The following VAV3 variants were observed in gnomAD, a reference collection of about 807,000 sequenced individuals.
VAV3 encodes vav guanine nucleotide exchange factor 3.
Under a neutral mutation model 131.2 loss-of-function variants are expected in VAV3, and 94 were observed. The ratio of observed to expected loss-of-function variants is 0.72; its 90% CI spans 0.61 to 0.85. The LOEUF (loss-of-function observed/expected upper bound fraction) is 0.85, where lower values mean the gene tolerates loss of function less well. Ranked by LOEUF, VAV3 falls within the 40% of genes least tolerant of loss-of-function variation. The pLI is 0.00. For synonymous variants in VAV3, 349 were observed against 342.0 expected (o/e 1.02, Z -0.22); for missense variants, 939 against 1,002.7 (o/e 0.94, Z 0.86).
intron 25 of VAV3, among the ~76,000 whole-genome samples, chr1:107,583,312 C>G (rs111567893): frequency 0.19 from 28,522 of 152,080 alleles, 2,831 homozygotes; most frequent in Non-Finnish European, 0.22. Context: ...ATACTGAATG[C>G]GAAAAAACTG....
intron 24 of VAV3, among the ~76,000 whole-genome samples, chr1:107,597,526 C>G (rs1334406347): frequency 6.6e-6 from 1 of 152,130 alleles, no homozygotes; most frequent in African/African-American, 2.4e-5. Context: ...GGAGAGAGAA[C>G]TTTGTTTTGT....
chr1:107,889,047 T>C (rs1671181779), intron 1 of VAV3, among the ~76,000 whole-genome samples: 1 of 151,812 alleles, frequency 6.6e-6, no homozygotes, highest in South Asian at 2.1e-4. Flanking sequence ...ATGACTACAG[T>C]AAATTATCTC....
At chr1:107,730,256 G>C (rs1662145633) in intron 15 of VAV3, among the ~76,000 whole-genome samples, 1 of 152,166 alleles carries the variant, frequency 6.6e-6, no homozygotes, top group Non-Finnish European at 1.5e-5. Flanking sequence ...CATACCTTCA[G>C]CAACTTATGT....
At chr1:107,589,225 C>G (rs1312386760) in intron 25 of VAV3, among the ~76,000 whole-genome samples, 2 of 152,154 alleles carry the variant, frequency 1.3e-5, no homozygotes, top group Admixed American at 6.5e-5. Context: ...CACCCAGGAC[C>G]TGTGAACCTG....
chr1:107,741,371 T>A (rs532608077), intron 15 of VAV3, among the ~76,000 whole-genome samples: 134 of 152,304 alleles, frequency 8.8e-4, no homozygotes, highest in African/African-American at 3.2e-3. Context: ...GGAGGCACTC[T>A]GTCCGGCCTG....
Position 107,573,226 on chromosome 1 carries a change from G to T in VAV3, c.*105C>A. The T allele has an allele frequency of 1.5e-6, 2 of 1,338,826 alleles. No homozygotes were observed. Among genetic ancestry groups the T allele is most frequent in the Non-Finnish European group, 2.1e-6 (2 of 963,014 alleles). 82.9% of individuals were successfully genotyped at this position (1,338,826 alleles called of 1,614,324 possible). A position where few individuals can be genotyped will look rare whatever the true frequency, so the allele number is the denominator to read the frequency against. ...AAGGAGGGAGGATGTTGAACAGCCA[G>T]AAATGCAGCTTTTTAAACACTTCAG... On this transcript the variant is annotated 3_prime_UTR_variant, in exon 27 of 27. Coordinates refer to ENST00000370056, the MANE Select transcript of VAV3 (RefSeq NM_006113.5).
chr1:107,677,474 T>G (rs1456464534), intron 19 of VAV3, among the ~76,000 whole-genome samples: 1 of 152,168 alleles, frequency 6.6e-6, no homozygotes, highest in Non-Finnish European at 1.5e-5. Flanking sequence ...CTTCTTTTTC[T>G]GAAATGGAAT....
chr1:107,685,483 C>T (rs1028550356), intron 18 of VAV3, among the ~76,000 whole-genome samples: 2 of 152,154 alleles, frequency 1.3e-5, no homozygotes, highest in Admixed American at 6.5e-5. Flanking sequence ...TTTAAATTCA[C>T]ACAAAGTAAT....
At chr1:107,814,759 A>G (rs1350529502) in intron 2 of VAV3, among the ~76,000 whole-genome samples, 2 of 152,340 alleles carry the variant, frequency 1.3e-5, no homozygotes, top group Admixed American at 1.3e-4. Context: ...ATGCAGAGGT[A>G]TGATGAAAAC....
At chr1:107,623,310 C>G (rs1055854792) in intron 20 of VAV3, among the ~76,000 whole-genome samples, 12 of 152,312 alleles carry the variant, frequency 7.9e-5, no homozygotes, top group African/African-American at 2.9e-4. Flanking sequence ...AAGTACTTTG[C>G]AAATGCTAAA....
chr1:107,616,915 C>G (rs1431379147), intron 21 of VAV3, among the ~76,000 whole-genome samples: 1 of 152,066 alleles, frequency 6.6e-6, no homozygotes, highest in Non-Finnish European at 1.5e-5. Context: ...GAAAACGTCA[C>G]CCATAATACC....
chr1:107,627,825 A>T (rs1654143380), intron 20 of VAV3, among the ~76,000 whole-genome samples: 3 of 152,208 alleles, frequency 2.0e-5, no homozygotes, highest in South Asian at 2.1e-4. Flanking sequence ...CATAAAGTAT[A>T]ATTTAATAAA....
intron 20 of VAV3, among the ~76,000 whole-genome samples, chr1:107,623,395 T>C (rs899921645): frequency 3.9e-5 from 6 of 152,228 alleles, no homozygotes; most frequent in Non-Finnish European, 8.8e-5. Context: ...AGTTTTCCTT[T>C]TTTATTTGGC....
At chr1:107,637,539 C>G (rs1463308237) in intron 20 of VAV3, among the ~76,000 whole-genome samples, 4 of 152,074 alleles carry the variant, frequency 2.6e-5, no homozygotes, top group Admixed American at 2.6e-4. Context: ...ACGGTAATTG[C>G]TTGAACCTAG....
intron 2 of VAV3, among the ~76,000 whole-genome samples, chr1:107,785,881 T>A (rs1665952961): frequency 6.6e-6 from 1 of 152,184 alleles, no homozygotes; most frequent in South Asian, 2.1e-4. Context: ...TGTTTCACCT[T>A]AACTCTCCCA....
intron 1 of VAV3, among the ~76,000 whole-genome samples, chr1:107,942,670 A>T (rs1186236678): frequency 3.9e-5 from 6 of 152,010 alleles, no homozygotes; most frequent in Non-Finnish European, 5.9e-5. Context: ...AACAAAACTT[A>T]TTTTTCAAAC....
At chr1:107,674,198 G>T (rs1251853928) in intron 19 of VAV3, among the ~76,000 whole-genome samples, 1 of 152,114 alleles carries the variant, frequency 6.6e-6, no homozygotes, top group Non-Finnish European at 1.5e-5. Flanking sequence ...ATTTAGACTG[G>T]CAGAAATTAT....
At chr1:107,957,854 G>A (rs926769085) in intron 1 of VAV3, among the ~76,000 whole-genome samples, 115 of 150,288 alleles carry the variant, frequency 7.7e-4, no homozygotes, top group Middle Eastern at 3.4e-3. Context: ...CATTTGTATT[G>A]CAAACATGGT....
chr1:107,613,518 C>G (rs558398795), intron 21 of VAV3, among the ~76,000 whole-genome samples: 1 of 152,164 alleles, frequency 6.6e-6, no homozygotes, highest in South Asian at 2.1e-4. Context: ...ATTACTATAC[C>G]TGAATCATTT....
Sources: allele counts gnomAD v4.1 joint callset (sites outside exome capture counted in the v4.1 genomes callset), GRCh38; gene constraint gnomAD v4.1.1; transcripts MANE v1.5; gene names NCBI Gene and HGNC (gene_info 2026-07-23, HGNC 2026-07-21).